LGSN: variants seen among roughly 807,000 people sequenced by gnomAD.
The protein encoded by LGSN is lengsin, lens protein with glutamine synthetase domain.
LGSN carries 21 observed loss-of-function variants against 19.5 expected under a neutral mutation model. The observed-to-expected ratio is 1.07, with a 90% CI of 0.76 to 1.55. The LOEUF is 1.55. Among genes scored for constraint, LGSN ranks in the 40% most tolerant of loss-of-function variants. The probability of loss-of-function intolerance (pLI) is 0.00; values close to 1 mark genes in which losing one functional copy is unlikely to be tolerated. For missense variants in LGSN, 673 were observed against 608.5 expected (o/e 1.11, Z -1.12); for synonymous variants, 257 against 215.6 (o/e 1.19, Z -1.68).
chr6:63,318,219 G>T (rs1349949140), intron 1 of LGSN, among the ~76,000 whole-genome samples: 1 of 152,076 alleles, frequency 6.6e-6, no homozygotes, highest in Non-Finnish European at 1.5e-5. Context: ...CTTCAGACTG[G>T]GGAAGTAAGT....
At chr6:63,445,490 C>T in the LGSN span, among the ~76,000 whole-genome samples, 4 of 151,562 alleles carry the variant, frequency 2.6e-5, no homozygotes, top group South Asian at 2.1e-4. Context: ...TGGTGGCAGG[C>T]GCTTGTAGTC....
chr6:63,331,247 T>C, the LGSN span, among the ~76,000 whole-genome samples: 4 of 152,208 alleles, frequency 2.6e-5, no homozygotes, highest in African/African-American at 9.7e-5. Flanking sequence ...CATAGTTGTG[T>C]ATTCTCCCTC....
the LGSN span, among the ~76,000 whole-genome samples, chr6:63,485,995 G>T: frequency 6.6e-6 from 1 of 152,116 alleles, no homozygotes; most frequent in Non-Finnish European, 1.5e-5. Flanking sequence ...CTCCCAAAGT[G>T]CTGGGATTAC....
the LGSN span, among the ~76,000 whole-genome samples, chr6:63,327,474 A>G: frequency 6.6e-6 from 1 of 152,128 alleles, no homozygotes; most frequent in Non-Finnish European, 1.5e-5. Flanking sequence ...TAGTGTAGAA[A>G]CAACACTCTT....
At chr6:63,442,959 C>T in the LGSN span, among the ~76,000 whole-genome samples, 1 of 152,246 alleles carries the variant, frequency 6.6e-6, no homozygotes, top group African/African-American at 2.4e-5. Flanking sequence ...ACCCACACTC[C>T]TCAACCCTTG....
At chr6:63,492,672 C>A in the LGSN span, among the ~76,000 whole-genome samples, 4 of 152,168 alleles carry the variant, frequency 2.6e-5, no homozygotes, top group Non-Finnish European at 5.9e-5. Flanking sequence ...GGCAACCACA[C>A]AAAGACAGCA....
chr6:63,480,235 C>T, the LGSN span: 3 of 219,718 alleles, frequency 1.4e-5, no homozygotes, highest in East Asian at 1.1e-4. Flanking sequence ...CACAAGCAGA[C>T]GTGGCAGTAA....
At chr6:63,463,151 G>T in the LGSN span, among the ~76,000 whole-genome samples, 1 of 152,120 alleles carries the variant, frequency 6.6e-6, no homozygotes, top group South Asian at 2.1e-4. Flanking sequence ...TAACCTCTCT[G>T]TATCTCTGTT....
chr6:63,518,822 T>A, the LGSN span, among the ~76,000 whole-genome samples: 1 of 152,064 alleles, frequency 6.6e-6, no homozygotes, highest in South Asian at 2.1e-4. Context: ...TATTGAAAAA[T>A]GCACATTAGG....
At chr6:63,498,973 T>A in the LGSN span, among the ~76,000 whole-genome samples, 9 of 152,168 alleles carry the variant, frequency 5.9e-5, no homozygotes, top group Admixed American at 5.9e-4. Flanking sequence ...CTAAAGCACG[T>A]ACTTTTTAAA....
chr6:63,332,755 G>A, the LGSN span, among the ~76,000 whole-genome samples: 1 of 152,094 alleles, frequency 6.6e-6, no homozygotes, highest in Non-Finnish European at 1.5e-5. Flanking sequence ...TTGGTGATAG[G>A]TGATGGTCTC....
intron 3 of LGSN, among the ~76,000 whole-genome samples, chr6:63,282,688 C>T (rs1767367598): frequency 6.6e-6 from 1 of 152,204 alleles, no homozygotes; most frequent in South Asian, 2.1e-4. Flanking sequence ...TTTGACTGAA[C>T]TGATCCAACT....
At chr6:63,505,170 C>CTTT in the LGSN span, among the ~76,000 whole-genome samples, 1 of 144,050 alleles carries the variant, frequency 6.9e-6, no homozygotes, top group Non-Finnish European at 1.5e-5. Flanking sequence ...TAGTAACTTG[C>CTTT]TTTTTTTTTT....
At chr6:63,441,557 G>T in the LGSN span, 1 of 432,796 alleles carries the variant, frequency 2.3e-6, no homozygotes, top group Non-Finnish European at 4.4e-6. Flanking sequence ...CAGCAGGGTT[G>T]GAAGTAGAAC....
chr6:63,366,954 G>C, the LGSN span, among the ~76,000 whole-genome samples: 1 of 151,824 alleles, frequency 6.6e-6, no homozygotes, highest in African/African-American at 2.4e-5. Context: ...ATGGATTAAA[G>C]ACTTAAATGT....
At chr6:63,521,101 G>T in the LGSN span, among the ~76,000 whole-genome samples, 5 of 152,080 alleles carry the variant, frequency 3.3e-5, no homozygotes, top group Non-Finnish European at 5.9e-5. Context: ...GGGAAAAGGG[G>T]AGGGAGAGCA....
intron 1 of LGSN, among the ~76,000 whole-genome samples, chr6:63,299,624 C>G (rs1405467951): frequency 6.6e-6 from 1 of 152,190 alleles, no homozygotes; most frequent in East Asian, 1.9e-4. Flanking sequence ...GAAAGAAAAA[C>G]TATTTGGAAA....
chr6:63,379,308 G>A, the LGSN span, among the ~76,000 whole-genome samples: 1 of 152,124 alleles, frequency 6.6e-6, no homozygotes, highest in East Asian at 1.9e-4. Context: ...TGAGGCCTGA[G>A]CTTTGAAAAC....
chr6:63,568,151 T>C, the LGSN span, among the ~76,000 whole-genome samples: 4 of 152,260 alleles, frequency 2.6e-5, no homozygotes, highest in African/African-American at 9.6e-5. Flanking sequence ...GTGGCACTTT[T>C]AACTTCCTTC....
Sources: allele counts gnomAD v4.1 joint callset (sites outside exome capture counted in the v4.1 genomes callset), GRCh38; gene constraint gnomAD v4.1.1; transcripts MANE v1.5; gene names NCBI Gene and HGNC (gene_info 2026-07-23, HGNC 2026-07-21).